Variants in NCKAP1 observed in about 807,000 individuals in gnomAD.
NCKAP1 encodes the protein nck-associated protein 1.
NCKAP1 carries 21 observed loss-of-function variants against 151.2 expected under a neutral mutation model. That is an observed-to-expected ratio of 0.14 (90% CI 0.10 to 0.20). The LOEUF (loss-of-function observed/expected upper bound fraction) is 0.20. Ranked by LOEUF, NCKAP1 falls within the 10% of genes least tolerant of loss-of-function variation. NCKAP1 has a pLI of 1.00. For missense variants in NCKAP1, 933 were observed against 1,352.1 expected, an observed-to-expected ratio of 0.69 and a Z score of 4.86; for synonymous variants, 484 against 451.8, an observed-to-expected ratio of 1.07 and a Z score of -0.90.
chr2:182,971,120 C>T (rs1042994043), intron 15 of NCKAP1, among the ~76,000 whole-genome samples: 3 of 152,034 alleles, frequency 2.0e-5, no homozygotes, highest in Non-Finnish European at 2.9e-5. Flanking sequence ...ATCGGCCGGG[C>T]GCGGTGGCTC....
rs1322264195 is a variant in NCKAP1 at position 182,925,482 on chromosome 2, T to C, written c.*220A>G. ...TCAAATAAATGATACTTTAAAATTA[T>C]AGGAATAATCTCAGTGAATTCAGTG... On this transcript the variant is annotated 3_prime_UTR_variant, in exon 31 of 31. Transcript: ENST00000361354. 2.3e-5 allele frequency: 7 copies of C among 300,558 alleles called. No homozygotes were observed. The allele number at this position is 300,558 out of a possible 1,614,324, so 18.6% of individuals were successfully genotyped here.
Position 182,920,814 on chromosome 2 carries a change from CACAA to C in NCKAP1, c.*4884_*4887del, listed in dbSNP as rs1037038453. 1.3e-5 allele frequency: 2 copies of C among 151,856 alleles called. No individual in the cohort carries two copies. Among genetic ancestry groups the C allele is most frequent in the African/African-American group, 4.8e-5 (2 of 41,340 alleles). The allele number at this position is 151,856 out of a possible 1,614,324, so 9.4% of individuals were successfully genotyped here. ...CATATGAATTTTGTGGCCAGGGGGACACAAACATTCAGACCACAGCACAAAGGTT... is the reference window on the plus strand; with the variant it reads ...CATATGAATTTTGTGGCCAGGGGGACACATTCAGACCACAGCACAAAGGTT... On this transcript the variant is annotated 3_prime_UTR_variant, in exon 31 of 31. Transcript: ENST00000361354.
At chr2:183,026,356 C>T (rs141538197) in intron 1 of NCKAP1, among the ~76,000 whole-genome samples, 101 of 152,034 alleles carry the variant, frequency 6.6e-4, no homozygotes, top group African/African-American at 2.3e-3. Context: ...CACAACTGTA[C>T]TCCTAGCTAC....
chr2:182,940,696 C>T (rs1267070044), intron 24 of NCKAP1, among the ~76,000 whole-genome samples: 1 of 152,188 alleles, frequency 6.6e-6, no homozygotes, highest in African/African-American at 2.4e-5. Flanking sequence ...TGCCTTGGCT[C>T]CCAATGTGCT....
rs2105791532 is a variant in NCKAP1, at chr2:182,921,674, T to A, written c.*4028A>T. 1 of 152,334 alleles carries A rather than the reference T, an allele frequency of 6.6e-6. No individual in the cohort carries two copies. Among genetic ancestry groups the A allele is most frequent in the Middle Eastern group, 3.4e-3 (1 of 294 alleles). The allele number at this position is 152,334 out of a possible 1,614,324, so 9.4% of individuals were successfully genotyped here. The stretch of plus-strand genomic sequence containing the variant: ...GGATCCTAACTTCAGATTGCTAATT[T>A]ATCCCATTTTACTTAGGCCCAAAAT... On this transcript the variant is annotated 3_prime_UTR_variant, in exon 31 of 31. Transcript: ENST00000361354.
chr2:182,982,190 G>A (rs1381883446), intron 12 of NCKAP1, among the ~76,000 whole-genome samples: 1 of 152,128 alleles, frequency 6.6e-6, no homozygotes, highest in South Asian at 2.1e-4. Context: ...AAATATTACT[G>A]AGCATAGCAA....
At chr2:182,942,678 G>A (rs1697021201) in intron 23 of NCKAP1, among the ~76,000 whole-genome samples, 1 of 151,846 alleles carries the variant, frequency 6.6e-6, no homozygotes, top group African/African-American at 2.4e-5. Context: ...ATTATAAAAT[G>A]GAAGTATAAA....
chr2:182,986,098 C>T, intron 10 of NCKAP1, 73 bp downstream of exon 10: 4 of 1,370,392 alleles, frequency 2.9e-6, no homozygotes, highest in Non-Finnish European at 3.1e-6. Flanking sequence ...TTAATCTGTA[C>T]TCACTTCAAC....
chr2:182,977,561 T>C (rs965461829), intron 14 of NCKAP1, among the ~76,000 whole-genome samples: 11 of 152,160 alleles, frequency 7.2e-5, no homozygotes, highest in Admixed American at 6.5e-5. Context: ...CACATGCTAC[T>C]ATGGCTGAAC....
At chr2:183,000,142 A>G (rs947391342) in intron 6 of NCKAP1, among the ~76,000 whole-genome samples, 1 of 152,214 alleles carries the variant, frequency 6.6e-6, no homozygotes, top group African/African-American at 2.4e-5. Flanking sequence ...CCATGAATCT[A>G]AACAAGAAAC....
chr2:182,925,496 G>A lies in NCKAP1; in HGVS notation c.*206C>T, dbSNP rs1445008072. 3 of 330,176 alleles carry A rather than the reference G, an allele frequency of 9.1e-6. No individual in the cohort carries two copies. The highest frequency in any genetic ancestry group is 6.4e-5 in the African/African-American group (3 of 46,612). The allele number at this position is 330,176 out of a possible 1,614,324, so 20.5% of individuals were successfully genotyped here. On this transcript the variant is annotated 3_prime_UTR_variant, in exon 31 of 31. Transcript: ENST00000361354. Reference sequence around the variant, plus strand: ...CTTTAAAATTATAGGAATAATCTCAGTGAATTCAGTGAATGTGCAACCTAA... The same window carrying A: ...CTTTAAAATTATAGGAATAATCTCAATGAATTCAGTGAATGTGCAACCTAA...
rs555685202 is a variant in NCKAP1, at chr2:182,911,746, A to C, written c.*13956T>G. The stretch of plus-strand genomic sequence containing the variant: ...TTGCTGTTGATGGGAATTATTAAAA[A>C]AAAACAAAACAAACAGAACCGCTTT... On this transcript the variant is annotated 3_prime_UTR_variant, in exon 31 of 31. Transcript: ENST00000361354. The C allele has an allele frequency of 2.0e-5, 3 of 152,330 alleles. No individual in the cohort carries two copies. The highest frequency in any genetic ancestry group is 3.9e-4 in the East Asian group (2 of 5,186). 9.4% of individuals were successfully genotyped at this position (152,330 alleles called of 1,614,324 possible). A position where few individuals can be genotyped will look rare whatever the true frequency, so the allele number is the denominator to read the frequency against.
intron 2 of NCKAP1, among the ~76,000 whole-genome samples, chr2:183,013,197 T>TA (rs1698621713): frequency 6.6e-6 from 1 of 151,898 alleles, no homozygotes; most frequent in African/African-American, 2.4e-5. Flanking sequence ...TTCTTCAACT[T>TA]GACAGTCAGC....
intron 22 of NCKAP1, 49 bp downstream of exon 22, chr2:182,952,744 A>G: frequency 6.7e-7 from 1 of 1,497,946 alleles, no homozygotes; most frequent in Middle Eastern, 2.0e-4. Flanking sequence ...ACACTAGCAA[A>G]AGAATTAAGT....
chr2:182,927,837 G>A lies in NCKAP1; in HGVS notation c.3180+280C>T, dbSNP rs566110762. Among the ~76,000 whole-genome samples, 31 of 152,058 alleles carry A rather than the reference G, an allele frequency of 2.0e-4. 1 individual carries two copies. The highest frequency in any genetic ancestry group is 7.2e-4 in the African/African-American group (30 of 41,524). The stretch of plus-strand genomic sequence containing the variant: ...AAAGGTCATATTGCAGAGCTCTAGA[G>A]TTGGGAAAGAGACTTCCGAGTCTAA... On this transcript the variant is annotated intron_variant, in intron 29 of 30. Coordinates refer to ENST00000361354, the MANE Select transcript of NCKAP1 (RefSeq NM_013436.5).
intron 1 of NCKAP1, among the ~76,000 whole-genome samples, chr2:183,025,535 AAATAT>A (rs1295950681): frequency 6.6e-6 from 1 of 152,204 alleles, no homozygotes; most frequent in Non-Finnish European, 1.5e-5. Context: ...CTTAATTCTC[AAATAT>A]AATTAAATAA....
chr2:182,980,767 T>C (rs1159648452), intron 13 of NCKAP1, among the ~76,000 whole-genome samples: 3 of 152,158 alleles, frequency 2.0e-5, no homozygotes, highest in Admixed American at 1.3e-4. Flanking sequence ...ATATTGTCTC[T>C]ATCATCTCTT....
At chr2:182,953,572 G>C (rs751004016) in intron 20 of NCKAP1, among the ~76,000 whole-genome samples, 1 of 152,152 alleles carries the variant, frequency 6.6e-6, no homozygotes, top group Admixed American at 6.5e-5. Flanking sequence ...AGGACGAGGC[G>C]GGCAGATGAC....
At chr2:182,928,994 G>A in intron 27 of NCKAP1, 95 bp from the exon 28 acceptor site, 1 of 763,878 alleles carries the variant, frequency 1.3e-6, no homozygotes, top group Non-Finnish European at 2.0e-6. Flanking sequence ...TTTTAAAAAT[G>A]GTTTACTTTT....
Sources: allele counts gnomAD v4.1 joint callset (sites outside exome capture counted in the v4.1 genomes callset), GRCh38; gene constraint gnomAD v4.1.1; transcripts MANE v1.5; gene names NCBI Gene and HGNC (gene_info 2026-07-23, HGNC 2026-07-21).